TENM2: variants seen among roughly 807,000 people sequenced by gnomAD.
TENM2 encodes the protein teneurin-2.
TENM2 carries 52 observed loss-of-function variants against 245.2 expected under a neutral mutation model. That is an observed-to-expected ratio of 0.21 (90% CI 0.17 to 0.27). The LOEUF (loss-of-function observed/expected upper bound fraction) is 0.27, where lower values mean the gene tolerates loss of function less well. Ranked by LOEUF, TENM2 falls within the 10% of genes least tolerant of loss-of-function variation. The pLI, the probability that TENM2 is intolerant of heterozygous loss-of-function variation, is 1.00. For missense variants in TENM2, 3,046 were observed against 3,666.8 expected, an observed-to-expected ratio of 0.83 and a Z score of 4.37; for synonymous variants, 1,363 against 1,438.9, an observed-to-expected ratio of 0.95 and a Z score of 1.19.
At chr5:167,043,468 G>A in the TENM2 span, among the ~76,000 whole-genome samples, 1 of 152,092 alleles carries the variant, frequency 6.6e-6, no homozygotes, top group South Asian at 2.1e-4. Context: ...TGTTTTATTG[G>A]CAAGAAAGAG....
the TENM2 span, among the ~76,000 whole-genome samples, chr5:167,037,888 C>A: frequency 1.3e-5 from 2 of 152,144 alleles, no homozygotes; most frequent in Non-Finnish European, 2.9e-5. Flanking sequence ...ACTCCCACTT[C>A]CAAAGAATAT....
At chr5:167,009,292 T>C in the TENM2 span, among the ~76,000 whole-genome samples, 8 of 152,194 alleles carry the variant, frequency 5.3e-5, no homozygotes, top group East Asian at 1.3e-3. Flanking sequence ...AGCAAAGGCA[T>C]AGAAGCATTC....
chr5:167,650,931 A>C (rs1754417518), intron 2 of TENM2, among the ~76,000 whole-genome samples: 2 of 152,156 alleles, frequency 1.3e-5, no homozygotes. Flanking sequence ...CTTGGAAGTA[A>C]AAACTAAATT....
intron 2 of TENM2, among the ~76,000 whole-genome samples, chr5:167,701,509 A>T (rs1366092083): frequency 6.6e-6 from 1 of 152,178 alleles, no homozygotes; most frequent in African/African-American, 2.4e-5. Context: ...AGAAGAAAAC[A>T]ACATAGGTTC....
chr5:167,325,673 T>C (rs1442014555), intron 1 of TENM2, among the ~76,000 whole-genome samples: 2 of 152,202 alleles, frequency 1.3e-5, no homozygotes, highest in Non-Finnish European at 2.9e-5. Flanking sequence ...TATACACTGG[T>C]CAGGGGTTTA....
chr5:167,111,171 G>T, the TENM2 span, among the ~76,000 whole-genome samples: 1 of 151,984 alleles, frequency 6.6e-6, no homozygotes, highest in Non-Finnish European at 1.5e-5. Flanking sequence ...TTTATATTTT[G>T]TTTTATTTAG....
intron 9 of TENM2, 80 bp downstream of exon 11, chr5:168,098,207 C>A (rs1793522999): frequency 2.1e-6 from 2 of 952,728 alleles, no homozygotes; most frequent in Non-Finnish European, 3.3e-6. Flanking sequence ...GAAGGGACAT[C>A]CAAGTAGCCT....
chr5:167,841,459 G>GTA (rs1160698067), intron 2 of TENM2, among the ~76,000 whole-genome samples: 2 of 152,152 alleles, frequency 1.3e-5, no homozygotes, highest in East Asian at 1.9e-4. Context: ...TACCCCTTGT[G>GTA]TATATATATG....
At chr5:168,051,154 C>T (rs942939736) in intron 6 of TENM2, among the ~76,000 whole-genome samples, 2 of 152,186 alleles carry the variant, frequency 1.3e-5, no homozygotes, top group South Asian at 2.1e-4. Context: ...ATCATACGTA[C>T]CCAATTTGTG....
At chr5:167,486,773 T>C (rs1369260079) in intron 2 of TENM2, among the ~76,000 whole-genome samples, 1 of 152,196 alleles carries the variant, frequency 6.6e-6, no homozygotes, top group Non-Finnish European at 1.5e-5. Flanking sequence ...GAGGAACCTG[T>C]ACAGATTGGA....
At chr5:168,152,908 C>G (rs1756782581) in intron 12 of TENM2, among the ~76,000 whole-genome samples, 1 of 152,212 alleles carries the variant, frequency 6.6e-6, no homozygotes, top group Admixed American at 6.5e-5. Flanking sequence ...CTGCAACCAG[C>G]TGCTTCATTT....
chr5:167,803,911 C>T (rs966571131), intron 2 of TENM2, among the ~76,000 whole-genome samples: 14 of 152,160 alleles, frequency 9.2e-5, no homozygotes, highest in Middle Eastern at 6.8e-3. Flanking sequence ...ACATACAAAA[C>T]CCCATTTAAA....
At chr5:167,907,287 A>G (rs899152486) in intron 3 of TENM2, among the ~76,000 whole-genome samples, 4 of 151,494 alleles carry the variant, frequency 2.6e-5, no homozygotes, top group African/African-American at 9.7e-5. Flanking sequence ...AAGCATAGCA[A>G]CTTAAAAGAG....
intron 2 of TENM2, among the ~76,000 whole-genome samples, chr5:167,667,375 A>C (rs1046234291): frequency 6.6e-6 from 1 of 152,068 alleles, no homozygotes; most frequent in Non-Finnish European, 1.5e-5. Flanking sequence ...GGGAGAATCT[A>C]CCTCCAGCAT....
intron 13 of TENM2, among the ~76,000 whole-genome samples, chr5:168,170,215 T>G (rs1216154745): frequency 6.6e-6 from 1 of 152,146 alleles, no homozygotes; most frequent in Non-Finnish European, 1.5e-5. Flanking sequence ...AGAAAAAAGA[T>G]AGAACCAGCT....
intron 2 of TENM2, among the ~76,000 whole-genome samples, chr5:167,815,814 G>C (rs1307616386): frequency 6.6e-6 from 1 of 152,074 alleles, no homozygotes; most frequent in African/African-American, 2.4e-5. Flanking sequence ...ATATAGATGA[G>C]AGGGATGCTA....
the TENM2 span, among the ~76,000 whole-genome samples, chr5:167,240,135 G>A: frequency 5.3e-5 from 8 of 152,118 alleles, no homozygotes; most frequent in Non-Finnish European, 1.2e-4. Flanking sequence ...TTTTTCATAA[G>A]CTTGTATTTT....
intron 1 of TENM2, among the ~76,000 whole-genome samples, chr5:167,316,271 T>C (rs1756358524): frequency 6.6e-6 from 1 of 152,196 alleles, no homozygotes; most frequent in African/African-American, 2.4e-5. Flanking sequence ...AAATATTTGT[T>C]GAGTGAGAGA....
chr5:167,250,070 A>T, the TENM2 span, among the ~76,000 whole-genome samples: 1 of 152,322 alleles, frequency 6.6e-6, no homozygotes, highest in South Asian at 2.1e-4. Flanking sequence ...GGTAGCCACT[A>T]GCCACATGTG....
Sources: allele counts gnomAD v4.1 joint callset (sites outside exome capture counted in the v4.1 genomes callset), GRCh38; gene constraint gnomAD v4.1.1; transcripts MANE v1.5; gene names NCBI Gene and HGNC (gene_info 2026-07-23, HGNC 2026-07-21).